The following FAM135B variants were observed in gnomAD, a reference collection of about 807,000 sequenced individuals.
FAM135B encodes the protein protein FAM135B.
In FAM135B, 43 loss-of-function variants were observed where a neutral mutation model predicts 127.7. The observed-to-expected ratio is 0.34, with a 90% CI of 0.26 to 0.43. The LOEUF (loss-of-function observed/expected upper bound fraction) is 0.43. FAM135B is among the 20% of genes least tolerant of loss of function. The pLI, the probability that FAM135B is intolerant of heterozygous loss-of-function variation, is 1.00. For missense variants in FAM135B, 1,558 were observed against 1,725.6 expected, an observed-to-expected ratio of 0.90 and a Z score of 1.72; for synonymous variants, 670 against 665.1, an observed-to-expected ratio of 1.01 and a Z score of -0.11.
At chr8:138,148,842 T>C in intron 13 of FAM135B, 156 bp from the exon 14 acceptor site, 1 of 546,202 alleles carries the variant, frequency 1.8e-6, no homozygotes. Context: ...TGCTAGTGAG[T>C]GAAGCTTTGT....
intron 1 of FAM135B, among the ~76,000 whole-genome samples, chr8:138,390,722 A>G (rs938021901): frequency 5.3e-5 from 8 of 152,160 alleles, no homozygotes; most frequent in African/African-American, 1.9e-4. Flanking sequence ...TCCATCACTG[A>G]TATTCTAGTG....
chr8:138,237,441 G>T (rs565589920), intron 7 of FAM135B, among the ~76,000 whole-genome samples: 1 of 152,142 alleles, frequency 6.6e-6, no homozygotes, highest in African/African-American at 2.4e-5. Flanking sequence ...GACTACAGGC[G>T]TGAGCCACAG....
At chr8:138,338,924 G>A (rs1322763823) in intron 2 of FAM135B, among the ~76,000 whole-genome samples, 1 of 151,866 alleles carries the variant, frequency 6.6e-6, no homozygotes, top group African/African-American at 2.4e-5. Context: ...GGAATACTAT[G>A]CAGCCATAAA....
At chr8:138,228,050 C>G in intron 7 of FAM135B, among the ~76,000 whole-genome samples, 1 of 152,128 alleles carries the variant, frequency 6.6e-6, no homozygotes, top group East Asian at 1.9e-4. Context: ...GTTTCTGAGC[C>G]ATGCATGTGA....
At chr8:138,233,524 A>G (rs1820051978) in intron 7 of FAM135B, among the ~76,000 whole-genome samples, 1 of 152,200 alleles carries the variant, frequency 6.6e-6, no homozygotes, top group Non-Finnish European at 1.5e-5. Context: ...ACTCAAATGG[A>G]TTAAACACTT....
At chr8:138,373,095 A>C (rs1831248683) in intron 1 of FAM135B, among the ~76,000 whole-genome samples, 1 of 152,212 alleles carries the variant, frequency 6.6e-6, no homozygotes, top group Non-Finnish European at 1.5e-5. Flanking sequence ...CTAGAGGACC[A>C]GAAGGTGATG....
intron 3 of FAM135B, among the ~76,000 whole-genome samples, chr8:138,296,413 A>G (rs761084490): frequency 1.3e-5 from 2 of 152,176 alleles, no homozygotes; most frequent in Non-Finnish European, 2.9e-5. Context: ...GCATTTTATT[A>G]TATTGAATTA....
chr8:138,486,238 GTT>G (rs1311146393), intron 1 of FAM135B, among the ~76,000 whole-genome samples: 1 of 151,754 alleles, frequency 6.6e-6, no homozygotes, highest in East Asian at 2.0e-4. Context: ...GCATGGCAAA[GTT>G]TCAGGAGACA....
chr8:138,405,459 C>A (rs928075419), intron 1 of FAM135B, among the ~76,000 whole-genome samples: 1 of 148,890 alleles, frequency 6.7e-6, no homozygotes, highest in Non-Finnish European at 1.5e-5. Flanking sequence ...TGAGAACATG[C>A]GGTGTTTGGT....
At chr8:138,488,481 A>G (rs1305327124) in intron 1 of FAM135B, among the ~76,000 whole-genome samples, 1 of 152,016 alleles carries the variant, frequency 6.6e-6, no homozygotes, top group Non-Finnish European at 1.5e-5. Context: ...TTATTTAACT[A>G]GGTTGTCCAG....
intron 1 of FAM135B, among the ~76,000 whole-genome samples, chr8:138,374,398 C>G (rs1228937414): frequency 6.6e-6 from 1 of 152,152 alleles, no homozygotes; most frequent in Non-Finnish European, 1.5e-5. Flanking sequence ...TGTTAAAGTA[C>G]AGAAAAATAT....
At chr8:138,311,514 C>T (rs1261541191) in intron 2 of FAM135B, among the ~76,000 whole-genome samples, 1 of 152,162 alleles carries the variant, frequency 6.6e-6, no homozygotes, top group African/African-American at 2.4e-5. Context: ...CTCTTTTGCC[C>T]CAAGTACAGA....
intron 1 of FAM135B, among the ~76,000 whole-genome samples, chr8:138,414,744 G>C (rs1460450031): frequency 6.6e-6 from 1 of 152,078 alleles, no homozygotes; most frequent in Non-Finnish European, 1.5e-5. Flanking sequence ...AAGTGAAGAT[G>C]GCTGTAGCAC....
intron 9 of FAM135B, among the ~76,000 whole-genome samples, chr8:138,194,626 C>G (rs1373215517): frequency 1.3e-5 from 2 of 152,156 alleles, no homozygotes; most frequent in African/African-American, 4.8e-5. Context: ...AGTCCTGCTT[C>G]TAGTACTGAT....
At chr8:138,478,158 CCT>C (rs962014657) in intron 1 of FAM135B, among the ~76,000 whole-genome samples, 39 of 152,142 alleles carry the variant, frequency 2.6e-4, no homozygotes, top group Non-Finnish European at 3.2e-4. Context: ...AACCCATCCC[CCT>C]GACACTCCCT....
At chr8:138,261,552 C>T (rs886495444) in intron 4 of FAM135B, among the ~76,000 whole-genome samples, 2 of 152,208 alleles carry the variant, frequency 1.3e-5, no homozygotes, top group Non-Finnish European at 2.9e-5. Context: ...CTGCCCCATT[C>T]CATTGCTAAC....
intron 1 of FAM135B, among the ~76,000 whole-genome samples, chr8:138,387,495 C>G (rs911889905): frequency 2.6e-5 from 4 of 152,190 alleles, no homozygotes; most frequent in Admixed American, 6.5e-5. Flanking sequence ...CTCTCCAGAC[C>G]AGCAGAAAGA....
At chr8:138,258,803 C>CCACACA (rs57817492) in intron 4 of FAM135B, among the ~76,000 whole-genome samples, 29,920 of 146,332 alleles carry the variant, frequency 0.2, 3,042 homozygotes, top group South Asian at 0.22. Context: ...GACACACACA[C>CCACACA]CACACACACA....
intron 3 of FAM135B, among the ~76,000 whole-genome samples, chr8:138,306,565 C>G (rs937517990): frequency 2.7e-5 from 4 of 149,448 alleles, no homozygotes; most frequent in African/African-American, 9.8e-5. Flanking sequence ...ATACAAAAAG[C>G]CTGTCACAGT....
Sources: allele counts gnomAD v4.1 joint callset (sites outside exome capture counted in the v4.1 genomes callset), GRCh38; gene constraint gnomAD v4.1.1; transcripts MANE v1.5; gene names NCBI Gene and HGNC (gene_info 2026-07-23, HGNC 2026-07-21).